Variants in GPC5 observed in about 807,000 individuals in gnomAD.
GPC5 encodes glypican-5.
In GPC5, 47 loss-of-function variants were observed where a neutral mutation model predicts 53.9. The ratio of observed to expected loss-of-function variants is 0.87; its 90% CI spans 0.69 to 1.11. The LOEUF (loss-of-function observed/expected upper bound fraction) is 1.11. Among genes scored for constraint, GPC5 ranks in the 50% most tolerant of loss-of-function variants. The pLI is 0.00. For synonymous variants in GPC5, 286 were observed against 263.3 expected (o/e 1.09, Z -0.84); for missense variants, 748 against 713.1 (o/e 1.05, Z -0.56).
intron 7 of GPC5, among the ~76,000 whole-genome samples, chr13:92,288,471 A>C (rs7997537): frequency 0.021 from 3,125 of 152,254 alleles, 113 homozygotes; most frequent in African/African-American, 0.072. Flanking sequence ...TTTCATAAGG[A>C]CTGTATTCAT....
intron 7 of GPC5, among the ~76,000 whole-genome samples, chr13:92,858,861 C>T (rs1879091837): frequency 6.6e-6 from 1 of 152,126 alleles, no homozygotes; most frequent in Non-Finnish European, 1.5e-5. Context: ...GTTAGAAATA[C>T]TCTTTCTTGA....
intron 7 of GPC5, among the ~76,000 whole-genome samples, chr13:92,656,826 C>T (rs1413250667): frequency 6.6e-6 from 1 of 152,182 alleles, no homozygotes; most frequent in Non-Finnish European, 1.5e-5. Flanking sequence ...TGGTGGCATG[C>T]ATCCATAATC....
At chr13:92,471,106 CAG>C (rs1349112030) in intron 7 of GPC5, among the ~76,000 whole-genome samples, 2 of 152,044 alleles carry the variant, frequency 1.3e-5, no homozygotes, top group African/African-American at 4.8e-5. Flanking sequence ...GAAAAATGGA[CAG>C]TGCCCTCAGC....
intron 7 of GPC5, among the ~76,000 whole-genome samples, chr13:92,236,870 C>G (rs2042574564): frequency 6.6e-6 from 1 of 151,362 alleles, no homozygotes; most frequent in African/African-American, 2.4e-5. Context: ...TTGATTACCT[C>G]TGCAATCATT....
At chr13:92,049,677 C>A (rs1054114701) in intron 6 of GPC5, among the ~76,000 whole-genome samples, 1 of 152,024 alleles carries the variant, frequency 6.6e-6, no homozygotes, top group African/African-American at 2.4e-5. Flanking sequence ...AATGTTGTAA[C>A]CATTTAACTG....
At chr13:91,624,051 A>G (rs1482407640) in intron 2 of GPC5, among the ~76,000 whole-genome samples, 5 of 152,170 alleles carry the variant, frequency 3.3e-5, no homozygotes, top group African/African-American at 1.2e-4. Flanking sequence ...TGAGCAAGAA[A>G]GAGTGAACGA....
chr13:91,751,670 G>A (rs960663501), intron 4 of GPC5, among the ~76,000 whole-genome samples: 1 of 152,212 alleles, frequency 6.6e-6, no homozygotes, highest in Non-Finnish European at 1.5e-5. Flanking sequence ...CCAAGCGCCT[G>A]TGTGCCCAGA....
At chr13:91,689,226 TATATAC>T (rs1353311929) in intron 2 of GPC5, among the ~76,000 whole-genome samples, 1,241 of 101,298 alleles carry the variant, frequency 0.012, 40 homozygotes, top group East Asian at 0.035. Context: ...TATATATATA[TATATAC>T]ACATATAAAA....
chr13:91,982,280 C>G (rs1271097483), intron 6 of GPC5, among the ~76,000 whole-genome samples: 1 of 151,956 alleles, frequency 6.6e-6, no homozygotes. Flanking sequence ...AATTCCAGTT[C>G]TAGGGGATGA....
intron 2 of GPC5, among the ~76,000 whole-genome samples, chr13:91,611,286 A>G (rs899840086): frequency 6.6e-6 from 1 of 152,214 alleles, no homozygotes; most frequent in African/African-American, 2.4e-5. Context: ...TTCTTATAAC[A>G]ACTCTCGGAG....
chr13:91,880,754 ATATAAT>A (rs2039255344), intron 5 of GPC5, among the ~76,000 whole-genome samples: 1 of 152,066 alleles, frequency 6.6e-6, no homozygotes, highest in Non-Finnish European at 1.5e-5. Context: ...GTCAAAAGAG[ATATAAT>A]TATAGTAACA....
At chr13:91,449,755 C>A (rs1464765388) in intron 2 of GPC5, among the ~76,000 whole-genome samples, 1 of 152,130 alleles carries the variant, frequency 6.6e-6, no homozygotes, top group Non-Finnish European at 1.5e-5. Context: ...AATTACAAGG[C>A]ACACTGAAAA....
At chr13:91,673,993 G>A (rs569718854) in intron 2 of GPC5, among the ~76,000 whole-genome samples, 1 of 152,208 alleles carries the variant, frequency 6.6e-6, no homozygotes, top group East Asian at 1.9e-4. Flanking sequence ...AGATGTCCCA[G>A]ACTAATATTT....
intron 7 of GPC5, among the ~76,000 whole-genome samples, chr13:92,502,712 G>T (rs1880235578): frequency 6.6e-6 from 1 of 151,974 alleles, no homozygotes; most frequent in Non-Finnish European, 1.5e-5. Context: ...AGCATGGTCA[G>T]AACTGAAAAC....
At chr13:92,780,360 T>G (rs1875974573) in intron 7 of GPC5, among the ~76,000 whole-genome samples, 1 of 150,644 alleles carries the variant, frequency 6.6e-6, no homozygotes, top group Non-Finnish European at 1.5e-5. Context: ...TAATTTATAT[T>G]TCACTTAATA....
intron 6 of GPC5, among the ~76,000 whole-genome samples, chr13:92,031,592 A>G (rs915691765): frequency 1.4e-5 from 2 of 144,870 alleles, no homozygotes; most frequent in African/African-American, 5.1e-5. Flanking sequence ...TGCAGGAGTA[A>G]GGAACAATTT....
At chr13:91,410,537 G>T (rs1187695846) in intron 1 of GPC5, among the ~76,000 whole-genome samples, 1 of 151,426 alleles carries the variant, frequency 6.6e-6, no homozygotes, top group Admixed American at 6.6e-5. Context: ...TAGTAGAGAC[G>T]GGGTTTCACT....
intron 1 of GPC5, among the ~76,000 whole-genome samples, chr13:91,439,902 G>A (rs1160802559): frequency 6.6e-6 from 1 of 152,158 alleles, no homozygotes; most frequent in East Asian, 1.9e-4. Context: ...TCCTGTCATT[G>A]TAATCAAGCT....
chr13:92,790,285 A>T (rs865852434), intron 7 of GPC5, among the ~76,000 whole-genome samples: 24 of 152,140 alleles, frequency 1.6e-4, no homozygotes, highest in African/African-American at 5.8e-4. Flanking sequence ...ATAGTTAGAA[A>T]ATTCAAAAGA....
Sources: gnomAD v4.1 joint callset for allele counts (sites outside exome capture counted in the v4.1 genomes callset) on GRCh38, gnomAD v4.1.1 for gene constraint, MANE v1.5 for transcripts, NCBI Gene and HGNC (gene_info 2026-07-23, HGNC 2026-07-21) for gene names.